The following WNT10A variants were observed in gnomAD, a reference collection of about 807,000 sequenced individuals.
The protein encoded by WNT10A is protein Wnt-10a.
Under a neutral mutation model 36.1 loss-of-function variants are expected in WNT10A, and 37 were observed. The observed-to-expected ratio is 1.02, with a 90% CI of 0.79 to 1.35. WNT10A has a LOEUF of 1.35. Ranked by LOEUF, WNT10A falls within the 40% of genes most tolerant of loss-of-function variation. WNT10A has a pLI of 0.00. For synonymous variants in WNT10A, 255 were observed against 254.1 expected (o/e 1.00, Z -0.03); for missense variants, 613 against 601.4 (o/e 1.02, Z -0.20).
Position 218,893,017 on chromosome 2 carries a change from G to A in WNT10A, c.1000G>A (p.Ala334Thr), listed in dbSNP as rs781127466. ...CGGGCCGCGCCGACGGGCCAGCCCC[G>A]CCGACCTGGTCTACTTCGAAAAGTC... is the stretch of plus-strand genomic sequence containing the variant. ...APGPRRRASP[A>T]DLVYFEKSPD... Residue 334 changes from alanine to threonine, a missense_variant, in exon 4 of 4, where the codon GCC becomes ACC. Transcript: ENST00000258411. The surrounding 1 kb of genome is among the most constrained non-coding windows in gnomAD (Gnocchi z 6.3). 22 of 1,586,478 alleles carry A rather than the reference G, an allele frequency of 1.4e-5. No individual in the cohort carries two copies. Among genetic ancestry groups the A allele is most frequent in the Middle Eastern group, 1.9e-4 (1 of 5,206 alleles).
chr2:218,879,443 G>T (rs1944484344), upstream of WNT10A, among the ~76,000 whole-genome samples: 1 of 152,262 alleles, frequency 6.6e-6, no homozygotes, highest in South Asian at 2.1e-4. Flanking sequence ...TCAGGGCCCA[G>T]GCTAGCACCA....
intron 3 of WNT10A, among the ~76,000 whole-genome samples, 198 bp from the exon 4 acceptor site, chr2:218,892,576 T>A (rs1944665900): frequency 6.7e-6 from 1 of 150,370 alleles, no homozygotes; most frequent in Non-Finnish European, 1.5e-5. Context: ...TGGTGGGAGG[T>A]GGGTGGGAGA....
chr2:218,893,259 C>T lies in WNT10A; in HGVS notation c.1242C>T (p.Ser414=). Residue 414 remains serine, a synonymous_variant, in exon 4 of 4, where the codon AGC becomes AGT. Transcript: ENST00000258411. This position sits in a 1 kb window ranked among gnomAD's most constrained non-coding sequence, Gnocchi z 6.3. ...CEECRITEWV[S]VCK ...AGTGCCGCATCACCGAGTGGGTCAG[C>T]GTCTGCAAGTGAGCGGCCCGGGGTC... 1.3e-6 allele frequency: 2 copies of T among 1,553,986 alleles called. No individual in the cohort carries two copies. The highest frequency in any genetic ancestry group is 8.6e-7 in the Non-Finnish European group (1 of 1,156,236).
At chr2:218,890,931 G>C (rs1194526638) in intron 3 of WNT10A, among the ~76,000 whole-genome samples, 3 of 152,108 alleles carry the variant, frequency 2.0e-5, no homozygotes, top group African/African-American at 7.2e-5. Flanking sequence ...ACTACCTCAA[G>C]GGTCATTCAT....
intron 1 of WNT10A, 44 bp downstream of exon 1, chr2:218,881,152 C>T (rs761536614): frequency 6.4e-7 from 1 of 1,557,964 alleles, no homozygotes; most frequent in Non-Finnish European, 8.7e-7. Context: ...GAGTTGGGAC[C>T]CCGGCCTGCA....
In WNT10A at chr2:218,885,930, T is replaced by C. The variant is rs185202664; in HGVS notation, c.376+3507T>C. 9.2e-4 allele frequency among the ~76,000 whole-genome samples: 140 copies of C among 152,348 alleles called. 1 individual carries two copies. Among genetic ancestry groups the C allele is most frequent in the South Asian group, 7.0e-3 (34 of 4,828 alleles). ...CTGCTCTACAGCATTTTATCCATGC[T>C]TTAGGACCCTCAAACAGTCCCCATG... On this transcript the variant is annotated intron_variant, in intron 2 of 3. Transcript: ENST00000258411.
At chr2:218,875,020 A>G in the WNT10A span, among the ~76,000 whole-genome samples, 1,338 of 152,008 alleles carry the variant, frequency 8.8e-3, 20 homozygotes, top group African/African-American at 0.03. Context: ...GCTGTGCTGG[A>G]CAGTCCAAGA....
chr2:218,880,451 C>G (rs1944496019), upstream of WNT10A: 1 of 151,862 alleles, frequency 6.6e-6, no homozygotes, highest in Non-Finnish European at 1.4e-5. The surrounding 1 kb of genome is among the most constrained non-coding windows in gnomAD (Gnocchi z 7.7). Flanking sequence ...CGCGTGACGT[C>G]ACGTGGGGTA....
chr2:218,880,907 C>A lies in WNT10A; in HGVS notation c.-89C>A, dbSNP rs1944503896. The A allele has an allele frequency of 7.0e-7, 1 of 1,433,322 alleles. No homozygotes were observed. Among genetic ancestry groups the A allele is most frequent in the Non-Finnish European group, 9.2e-7 (1 of 1,091,514 alleles). 88.8% of individuals were successfully genotyped at this position (1,433,322 alleles called of 1,614,324 possible). A position where few individuals can be genotyped will look rare whatever the true frequency, so the allele number is the denominator to read the frequency against. ...AGCTGTGTGTCGCAGCCGCCCCGAC[C>A]CCCCGCCGATCATGCGCCGGCGCCC... On this transcript the variant is annotated 5_prime_UTR_variant, in exon 1 of 4. Coordinates refer to ENST00000258411, the MANE Select transcript of WNT10A (RefSeq NM_025216.3). The surrounding 1 kb of genome is among the most constrained non-coding windows in gnomAD (Gnocchi z 7.7).
chr2:218,886,303 C>T (rs1394204099), intron 2 of WNT10A, among the ~76,000 whole-genome samples: 2 of 152,216 alleles, frequency 1.3e-5, no homozygotes, highest in Non-Finnish European at 2.9e-5. Flanking sequence ...CCCACATGCA[C>T]ACTAGTCTCT....
rs1268725013 is a variant in WNT10A, at chr2:218,893,101, T to C, written c.1084T>C (p.Cys362Arg). The stretch of plus-strand genomic sequence containing the variant: ...CTCGGCGGGCACCGTGGGCCGCCTG[T>C]GCAACAAGAGCAGCGCCGGCTCGGA... ...LDSAGTVGRL[C>R]NKSSAGSDGC... The change falls in exon 4 of 4, where the codon TGC (cysteine) becomes CGC (arginine). Residue 362 changes from cysteine (C) to arginine (R), a missense_variant. Transcript: ENST00000258411. This position sits in a 1 kb window ranked among gnomAD's most constrained non-coding sequence, Gnocchi z 6.3. 41 of 1,596,474 alleles carry C rather than the reference T, an allele frequency of 2.6e-5. No homozygotes were observed. Among genetic ancestry groups the C allele is most frequent in the Non-Finnish European group, 2.7e-5 (32 of 1,179,166 alleles).
At chr2:218,881,753 C>T (rs968920409) in intron 1 of WNT10A, among the ~76,000 whole-genome samples, 15 of 152,086 alleles carry the variant, frequency 9.9e-5, no homozygotes, top group Non-Finnish European at 2.2e-4. Context: ...CGTAAGTGTG[C>T]TGGGGTTGGG....
At chr2:218,881,250 C>A in intron 1 of WNT10A, 142 bp downstream of exon 1, 1 of 1,246,954 alleles carries the variant, frequency 8.0e-7, no homozygotes, top group Non-Finnish European at 1.1e-6. Context: ...CAACCAAAGG[C>A]AGTGAGCTCC....
In WNT10A at chr2:218,882,172, A is replaced by G. The variant is rs149865858; in HGVS notation, c.125A>G (p.Asn42Ser). Reference protein sequence around the residue: ...LAAAMPRSAPNDILDLRLPPE... With the variant: ...LAAAMPRSAPSDILDLRLPPE... The stretch of plus-strand genomic sequence containing the variant: ...CCATATGTCTGCAGGTCAGCACCCA[A>G]TGACATTCTGGACCTCCGCCTCCCC... The change falls in exon 2 of 4, where the codon AAT becomes AGT. Residue 42 changes from asparagine (N) to serine (S), a missense_variant. Transcript: ENST00000258411. 5.1e-5 allele frequency: 83 copies of G among 1,614,010 alleles called. No individual in the cohort carries two copies. The East Asian group carries it at 1.7e-3, about 32-fold the overall frequency.
At chr2:218,880,151 G>A (rs1200001033), upstream of WNT10A, among the ~76,000 whole-genome samples, 1 of 152,160 alleles carries the variant, frequency 6.6e-6, no homozygotes, top group Non-Finnish European at 1.5e-5. The surrounding 1 kb of genome is among the most constrained non-coding windows in gnomAD (Gnocchi z 7.7). Flanking sequence ...CTCCTCTGGC[G>A]GAGGAGGCGA....
At chr2:218,882,903 G>T (rs979061194) in intron 2 of WNT10A, among the ~76,000 whole-genome samples, 2 of 152,152 alleles carry the variant, frequency 1.3e-5, no homozygotes, top group Non-Finnish European at 2.9e-5. Context: ...AGCTCTTCCC[G>T]GCGGGGGACA....
At chr2:218,883,760 GCCCCTCCAGCCGTC>G (rs1341108916) in intron 2 of WNT10A, 23 of 151,400 alleles carry the variant, frequency 1.5e-4, no homozygotes, top group African/African-American at 5.1e-4. Context: ...CGCCGCCCGG[GCCCCTCCAGCCGTC>G]CAGAAGCGGC....
At chr2:218,885,724 C>T (rs561209882) in intron 2 of WNT10A, among the ~76,000 whole-genome samples, 19 of 152,332 alleles carry the variant, frequency 1.2e-4, no homozygotes, top group Non-Finnish European at 2.5e-4. Flanking sequence ...ATTTTTCTCC[C>T]ACCTCCTTTT....
chr2:218,887,641 C>CATCT (rs1944595056), intron 2 of WNT10A, among the ~76,000 whole-genome samples: 1 of 152,226 alleles, frequency 6.6e-6, no homozygotes, highest in South Asian at 2.1e-4. Flanking sequence ...GCTTCATAGG[C>CATCT]ATCTGGTGGC....
Sources: allele counts gnomAD v4.1 joint callset (sites outside exome capture counted in the v4.1 genomes callset), GRCh38; gene constraint gnomAD v4.1.1; non-coding constraint Gnocchi (gnomAD v3.1); transcripts MANE v1.5; gene names NCBI Gene and HGNC (gene_info 2026-07-23, HGNC 2026-07-21).